TCF4: variants seen among roughly 807,000 people sequenced by gnomAD.
TCF4 encodes transcription factor 4.
TCF4 carries 3 observed loss-of-function variants against 82.1 expected under a neutral mutation model. That is an observed-to-expected ratio of 0.04 (90% CI 0.02 to 0.09). TCF4 has a LOEUF of 0.09. Among genes scored for constraint, TCF4 ranks in the 10% least tolerant of loss-of-function variants. TCF4 has a pLI of 1.00. For missense variants in TCF4, 518 were observed against 852.7 expected, an observed-to-expected ratio of 0.61 and a Z score of 4.89; for synonymous variants, 276 against 309.6, an observed-to-expected ratio of 0.89 and a Z score of 1.14.
intron 2 of TCF4, among the ~76,000 whole-genome samples, chr18:55,617,718 C>CT (rs1456837708): frequency 6.7e-6 from 1 of 150,366 alleles, no homozygotes; most frequent in Non-Finnish European, 1.5e-5. Context: ...TCTTAGTTTT[C>CT]TTTTTTTGGT....
chr18:55,499,114 A>G (rs1212562574), intron 3 of TCF4, among the ~76,000 whole-genome samples: 1 of 152,258 alleles, frequency 6.6e-6, no homozygotes, highest in African/African-American at 2.4e-5. Flanking sequence ...CACCCATTTA[A>G]TATCACAACT....
intron 3 of TCF4, among the ~76,000 whole-genome samples, chr18:55,544,977 C>T (rs998333745): frequency 2.0e-5 from 3 of 152,140 alleles, no homozygotes; most frequent in Non-Finnish European, 4.4e-5. Flanking sequence ...CCAGGTGTTA[C>T]GAACAATTGT....
chr18:55,401,347 T>G, intron 6 of TCF4: 2 of 1,142,438 alleles, frequency 1.8e-6, no homozygotes, highest in Non-Finnish European at 2.2e-6. Flanking sequence ...GATAGTAGAC[T>G]CTTGCAAGAC....
intron 3 of TCF4, among the ~76,000 whole-genome samples, chr18:55,499,565 G>A (rs2096674267): frequency 6.6e-6 from 1 of 152,128 alleles, no homozygotes; most frequent in Non-Finnish European, 1.5e-5. Flanking sequence ...GAATCAACTG[G>A]GGAGGTTTTA....
intron 8 of TCF4, among the ~76,000 whole-genome samples, chr18:55,284,127 T>C (rs1486089812): frequency 6.6e-6 from 1 of 152,232 alleles, no homozygotes; most frequent in South Asian, 2.1e-4. Flanking sequence ...GAAAATAAAA[T>C]ATCGGCCAGG....
intron 8 of TCF4, among the ~76,000 whole-genome samples, chr18:55,281,085 T>C (rs548583701): frequency 6.6e-6 from 1 of 152,192 alleles, no homozygotes; most frequent in Non-Finnish European, 1.5e-5. Flanking sequence ...ACAAGCCCTA[T>C]ATTTCACTGG....
At chr18:55,263,088 G>C (rs1340072152) in intron 11 of TCF4, among the ~76,000 whole-genome samples, 6 of 152,172 alleles carry the variant, frequency 3.9e-5, no homozygotes, top group African/African-American at 1.2e-4. Context: ...ACAGGACTGA[G>C]TCACGGTGCC....
intron 1 of TCF4, chr18:55,635,580 TGTCAGGGAGAGAGGTTAGA>T: frequency 8.1e-7 from 1 of 1,238,468 alleles, no homozygotes; most frequent in Non-Finnish European, 1.1e-6. Context: ...GCTGTGGAGA[TGTCAGGGAGAGAGGTTAGA>T]GAGCTAGAAA....
In TCF4 at chr18:55,531,934, G is replaced by A. The variant is rs620884; in HGVS notation, c.145+53346C>T. Among the ~76,000 whole-genome samples, 254 of 152,092 alleles carry A rather than the reference G, an allele frequency of 1.7e-3. 1 individual carries two copies. The highest frequency in any genetic ancestry group is 5.5e-3 in the African/African-American group (227 of 41,490). On this transcript the variant is annotated intron_variant, in intron 3 of 19. Coordinates refer to ENST00000354452, the MANE Select transcript of TCF4 (RefSeq NM_001083962.2). Reference sequence around the variant, plus strand: ...ATATCTGTTTAGAAATTTTTATTTCGGCTTCTTGCTTAAATACAAAAATAG... The same window carrying A: ...ATATCTGTTTAGAAATTTTTATTTCAGCTTCTTGCTTAAATACAAAAATAG...
intron 5 of TCF4, chr18:55,403,943 A>C: frequency 2.2e-6 from 3 of 1,356,604 alleles, no homozygotes; most frequent in Non-Finnish European, 2.8e-6. Flanking sequence ...CTAATCAATC[A>C]CAGGCTCTCC....
chr18:55,365,175 A>AT (rs1187217205), intron 6 of TCF4, among the ~76,000 whole-genome samples: 1 of 128,148 alleles, frequency 7.8e-6, no homozygotes, highest in Non-Finnish European at 1.6e-5. Flanking sequence ...ATATATATAT[A>AT]TATATATATA....
At chr18:55,343,666 T>A (rs1315481523) in intron 8 of TCF4, among the ~76,000 whole-genome samples, 1 of 152,164 alleles carries the variant, frequency 6.6e-6, no homozygotes, top group South Asian at 2.1e-4. Flanking sequence ...AGGGAGTATA[T>A]GCTCAAGTAA....
chr18:55,310,057 C>T (rs1381965410), intron 8 of TCF4, among the ~76,000 whole-genome samples: 1 of 152,092 alleles, frequency 6.6e-6, no homozygotes, highest in African/African-American at 2.4e-5. Context: ...CAACGCTGTA[C>T]AATAAAAGGT....
intron 8 of TCF4, among the ~76,000 whole-genome samples, chr18:55,329,869 AT>A (rs1238762010): frequency 6.6e-6 from 1 of 152,244 alleles, no homozygotes; most frequent in Non-Finnish European, 1.5e-5. Context: ...TATCAAATGC[AT>A]TTTGAACATA....
chr18:55,453,306 G>A (rs2144475206), intron 5 of TCF4, among the ~76,000 whole-genome samples: 1 of 152,270 alleles, frequency 6.6e-6, no homozygotes, highest in Middle Eastern at 3.4e-3. Flanking sequence ...TGACATCACT[G>A]AGCTGCAAAC....
At chr18:55,377,111 C>T (rs558459527) in intron 6 of TCF4, among the ~76,000 whole-genome samples, 1 of 152,296 alleles carries the variant, frequency 6.6e-6, no homozygotes, top group South Asian at 2.1e-4. Flanking sequence ...CTATATTTTC[C>T]AACTAAGTGA....
At chr18:55,271,806 G>A (rs2060439804) in intron 10 of TCF4, among the ~76,000 whole-genome samples, 1 of 152,042 alleles carries the variant, frequency 6.6e-6, no homozygotes, top group African/African-American at 2.4e-5. Flanking sequence ...GCTTAGCAGG[G>A]ATAGAGGTAT....
At chr18:55,579,906 T>C (rs746580237) in intron 3 of TCF4, among the ~76,000 whole-genome samples, 14 of 152,106 alleles carry the variant, frequency 9.2e-5, no homozygotes, top group Non-Finnish European at 1.6e-4. Flanking sequence ...TGACAGTCTT[T>C]ACTGCTCCAT....
At chr18:55,312,128 C>T (rs943984829) in intron 8 of TCF4, among the ~76,000 whole-genome samples, 3 of 152,198 alleles carry the variant, frequency 2.0e-5, no homozygotes. Flanking sequence ...TTATATACTA[C>T]ATCATCTAAC....
Sources: gnomAD v4.1 joint callset for allele counts (sites outside exome capture counted in the v4.1 genomes callset) on GRCh38, gnomAD v4.1.1 for gene constraint, MANE v1.5 for transcripts, NCBI Gene and HGNC (gene_info 2026-07-23, HGNC 2026-07-21) for gene names.